Variants in SAV1 observed in about 807,000 individuals in gnomAD.
SAV1 encodes the protein protein salvador homolog 1.
In SAV1, 23 loss-of-function variants were observed where a neutral mutation model predicts 47.3. The ratio of observed to expected loss-of-function variants is 0.49; its 90% CI spans 0.35 to 0.69. SAV1 has a LOEUF of 0.69. Ranked by LOEUF, SAV1 falls within the 30% of genes least tolerant of loss-of-function variation. The pLI, the probability that SAV1 is intolerant of heterozygous loss-of-function variation, is 0.01. For missense variants in SAV1, 448 were observed against 457.4 expected (o/e 0.98, Z 0.19); for synonymous variants, 155 against 159.2 (o/e 0.97, Z 0.20).
At chr14:50,655,672 T>G (rs1348172649) in intron 2 of SAV1, among the ~76,000 whole-genome samples, 1 of 151,730 alleles carries the variant, frequency 6.6e-6, no homozygotes, top group Non-Finnish European at 1.5e-5. Context: ...GTGATCCATC[T>G]GTCTTGGCCT....
chr14:50,644,509 GATC>G (rs2039704239), intron 3 of SAV1, among the ~76,000 whole-genome samples: 1 of 151,994 alleles, frequency 6.6e-6, no homozygotes, highest in African/African-American at 2.4e-5. Flanking sequence ...AGCAGAATCT[GATC>G]ATAAGAACAA....
chr14:50,651,013 C>G (rs892591755), intron 2 of SAV1, among the ~76,000 whole-genome samples: 1 of 150,478 alleles, frequency 6.6e-6, no homozygotes, highest in Non-Finnish European at 1.5e-5. Context: ...CAGAGAGAGA[C>G]TCTGTCTCCA....
chr14:50,640,880 C>A lies in SAV1; in HGVS notation c.820G>T (p.Asp274Tyr). The A allele has an allele frequency of 6.2e-7, 1 of 1,612,036 alleles. No individual in the cohort carries two copies. The highest frequency in any genetic ancestry group is 1.3e-5 in the African/African-American group (1 of 74,972). ...TGGTATGTGACAGGAGGTGGTTGAT[C>A]ATACCGAGGTACACTAAGAAGAAAG... is the stretch of plus-strand genomic sequence containing the variant. ...HPCAPSVPRY[D>Y]QPPPVTYQPQ... is the part of the protein sequence containing the mutation. The change falls in exon 4 of 5, where the codon GAT becomes TAT. Residue 274 changes from aspartate to tyrosine, a missense_variant. Physicochemically the swap from Asp to Tyr is radical, Grantham distance 160. Transcript: ENST00000324679.
intron 2 of SAV1, among the ~76,000 whole-genome samples, chr14:50,653,028 A>C (rs2039782164): frequency 1.3e-5 from 2 of 151,544 alleles, no homozygotes; most frequent in South Asian, 4.1e-4. Context: ...GAGACGTCTA[A>C]AAAAAAAGAA....
intron 2 of SAV1, among the ~76,000 whole-genome samples, chr14:50,651,032 A>AG (rs2039764245): frequency 7.2e-6 from 1 of 139,648 alleles, no homozygotes; most frequent in Non-Finnish European, 1.5e-5. Context: ...CAAAAAAAAA[A>AG]AAAGAAAGAA....
intron 2 of SAV1, among the ~76,000 whole-genome samples, chr14:50,650,125 T>C (rs1006329844): frequency 1.3e-5 from 2 of 152,232 alleles, no homozygotes; most frequent in Non-Finnish European, 2.9e-5. Context: ...AAGAAGGATA[T>C]GTAAGTGTAT....
At position 50,643,553 on chromosome 14, in the gene SAV1, C is replaced by T. The variant is rs543259950; in HGVS notation, c.806+1191G>A. 1.3e-3 allele frequency among the ~76,000 whole-genome samples: 191 copies of T among 152,284 alleles called. 1 individual carries two copies. The Middle Eastern group carries it at 0.014, about 11-fold the overall frequency. ...TCCCTCCCTTGATACATGGGGATTA[C>T]GATTTGAGATGAGATTTGGGTGAGG... On this transcript the variant is annotated intron_variant, in intron 3 of 4. Transcript: ENST00000324679.
chr14:50,644,685 C>A, intron 3 of SAV1, 59 bp downstream of exon 3: 1 of 1,505,160 alleles, frequency 6.6e-7, no homozygotes, highest in Non-Finnish European at 9.0e-7. Context: ...AATATCAGTT[C>A]AAAACCTAAC....
At chr14:50,642,197 A>G (rs1193910313) in intron 3 of SAV1, among the ~76,000 whole-genome samples, 4 of 152,308 alleles carry the variant, frequency 2.6e-5, no homozygotes, top group Middle Eastern at 6.8e-3. Flanking sequence ...ATTGAGGCCT[A>G]CTTGCGGGCA....
At chr14:50,665,736 A>G (rs1215267611) in intron 1 of SAV1, 117 bp from the exon 2 acceptor site, 1 of 943,734 alleles carries the variant, frequency 1.1e-6, no homozygotes, top group East Asian at 2.7e-5. Context: ...TTAAGAAAAC[A>G]CAATTTTAAA....
intron 2 of SAV1, among the ~76,000 whole-genome samples, chr14:50,653,541 G>C (rs2039787588): frequency 1.3e-5 from 2 of 152,156 alleles, no homozygotes; most frequent in African/African-American, 4.8e-5. Context: ...AATAAAGCGA[G>C]TTACGTGAAT....
At chr14:50,654,701 G>C (rs2039797843) in intron 2 of SAV1, among the ~76,000 whole-genome samples, 1 of 152,202 alleles carries the variant, frequency 6.6e-6, no homozygotes, top group Admixed American at 6.5e-5. Flanking sequence ...ACAATAAAAT[G>C]AGGTATGCCT....
At chr14:50,636,964 T>C (rs2039640173) in intron 4 of SAV1, among the ~76,000 whole-genome samples, 1 of 152,222 alleles carries the variant, frequency 6.6e-6, no homozygotes, top group African/African-American at 2.4e-5. Context: ...TTCTTTGATA[T>C]TATACCATTT....
At position 50,634,238 on chromosome 14, in the gene SAV1, G is replaced by A. The variant is rs2039612823; in HGVS notation, c.*945C>T. The A allele has an allele frequency of 5.1e-5, 23 of 449,488 alleles. No individual in the cohort carries two copies. The highest frequency in any genetic ancestry group is 3.5e-4 in the South Asian group (22 of 63,390). 27.8% of individuals were successfully genotyped at this position (449,488 alleles called of 1,614,324 possible). On this transcript the variant is annotated 3_prime_UTR_variant, in exon 5 of 5. Coordinates refer to ENST00000324679, the MANE Select transcript of SAV1 (RefSeq NM_021818.4). ...CACGCACCTTCCCAATACAGGCTAA[G>A]TATTCCTGCTTATATGTATTCCTGA...
intron 3 of SAV1, among the ~76,000 whole-genome samples, chr14:50,643,624 A>G (rs2039698410): frequency 6.6e-6 from 1 of 152,202 alleles, no homozygotes; most frequent in Non-Finnish European, 1.5e-5. Context: ...AAACTCTCAA[A>G]TCTGGTTATC....
At chr14:50,643,505 T>C (rs915424371) in intron 3 of SAV1, among the ~76,000 whole-genome samples, 1 of 152,154 alleles carries the variant, frequency 6.6e-6, no homozygotes, top group Non-Finnish European at 1.5e-5. Flanking sequence ...ATGGCCCCCA[T>C]GATTCAATCA....
At position 50,635,020 on chromosome 14, in the gene SAV1, A is replaced by G. The variant is rs1416197723; in HGVS notation, c.*163T>C. 1 of 611,868 alleles carries G rather than the reference A, an allele frequency of 1.6e-6. No homozygotes were observed. Among genetic ancestry groups the G allele is most frequent in the East Asian group, 2.8e-5 (1 of 35,544 alleles). The allele number at this position is 611,868 out of a possible 1,614,324, so 37.9% of individuals were successfully genotyped here. On this transcript the variant is annotated 3_prime_UTR_variant, in exon 5 of 5. Coordinates refer to ENST00000324679, the MANE Select transcript of SAV1 (RefSeq NM_021818.4). ...TTAAAATGATAGACTAATTTTTCTC[A>G]TTCAATAAAAGAAAATTTCTAATAA...
chr14:50,646,666 C>T (rs1038261391), intron 2 of SAV1, among the ~76,000 whole-genome samples: 10 of 128,970 alleles, frequency 7.8e-5, no homozygotes, highest in Non-Finnish European at 1.6e-4. Context: ...TCCTGGGCGA[C>T]GAGAGTGAAA....
At chr14:50,639,576 T>C (rs115792093) in intron 4 of SAV1, among the ~76,000 whole-genome samples, 202 of 152,328 alleles carry the variant, frequency 1.3e-3, no homozygotes, top group African/African-American at 4.4e-3. Context: ...ACCTATTTGC[T>C]AGTTTCCTTG....
Sources: gnomAD v4.1 joint callset for allele counts (sites outside exome capture counted in the v4.1 genomes callset) on GRCh38, gnomAD v4.1.1 for gene constraint, MANE v1.5 for transcripts, NCBI Gene and HGNC (gene_info 2026-07-23, HGNC 2026-07-21) for gene names.